The following TSPAN16 variants were observed in gnomAD, a reference collection of about 807,000 sequenced individuals.
TSPAN16 encodes the protein tetraspanin 16.
A neutral mutation model predicts 25.2 loss-of-function variants in TSPAN16; 23 were observed. The ratio of observed to expected loss-of-function variants is 0.91; its 90% confidence interval spans 0.66 to 1.29. TSPAN16 has a LOEUF of 1.29. Ranked by LOEUF, TSPAN16 falls within the 50% of genes most tolerant of loss-of-function variation. The pLI is 0.00. For synonymous variants in TSPAN16, 123 were observed against 124.4 expected, an observed-to-expected ratio of 0.99 and a Z score of 0.08; for missense variants, 272 against 299.9, an observed-to-expected ratio of 0.91 and a Z score of 0.69.
Position 11,306,879 on chromosome 19 carries a change from G to A in TSPAN16, c.603+123G>A, listed in dbSNP as rs913140709. ...CACCCAGGCTGGAGTGCAGTGGTGC[G>A]ATCTCGGCTCACTGCAACCTCCGCC... On this transcript the variant is annotated intron_variant, in intron 5 of 6. Transcript: ENST00000590327. 4.8e-5 allele frequency: 47 copies of A among 976,374 alleles called. No homozygotes were observed. The Admixed American group carries it at 5.0e-4, about 10-fold the overall frequency. The allele number at this position is 976,374 out of a possible 1,614,324, so 60.5% of individuals were successfully genotyped here. A position where few individuals can be genotyped will look rare whatever the true frequency, so the allele number is the denominator to read the frequency against.
chr19:11,312,694 TATCA>T (rs1440296009), intron 6 of TSPAN16, among the ~76,000 whole-genome samples: 3 of 152,020 alleles, frequency 2.0e-5, no homozygotes, highest in Non-Finnish European at 4.4e-5. Flanking sequence ...GAGCCTGGGA[TATCA>T]AGGCTAGTGA....
Position 11,298,950 on chromosome 19 carries a change from A to G in TSPAN16, c.342+4A>G. 6.2e-7 allele frequency: 1 copy of G among 1,613,524 alleles called. No individual in the cohort carries two copies. Among genetic ancestry groups the G allele is most frequent in the South Asian group, 1.1e-5 (1 of 91,060 alleles). ...GGTCCTTCTTTTCTTTCCAATTGTA[A>G]GTACAGCCCTGCTCCTCCCACATAG... On this transcript the variant is annotated splice_donor_region_variant and intron_variant, in intron 3 of 6. Transcript: ENST00000590327.
intron 4 of TSPAN16, among the ~76,000 whole-genome samples, chr19:11,302,753 C>G (rs1002578764): frequency 6.6e-6 from 1 of 150,480 alleles, no homozygotes; most frequent in African/African-American, 2.5e-5. Flanking sequence ...GGATCTCACT[C>G]TGTTGCCCAG....
At chr19:11,296,975 G>A (rs944379352) in intron 1 of TSPAN16, among the ~76,000 whole-genome samples, 4 of 152,306 alleles carry the variant, frequency 2.6e-5, no homozygotes, top group African/African-American at 9.6e-5. Flanking sequence ...GGGCGGCAGA[G>A]GTTGGCAGTG....
rs1157268585 is a variant in TSPAN16 at position 11,298,944 on chromosome 19, A to G, written c.340A>G (p.Ile114Val). 1.2e-6 allele frequency: 2 copies of G among 1,613,608 alleles called. No individual in the cohort carries two copies. Among genetic ancestry groups the G allele is most frequent in the East Asian group, 2.2e-5 (1 of 44,862 alleles). The change falls in exon 3 of 7, where the codon ATT (isoleucine) becomes GTT (valine). Residue 114 changes from isoleucine to valine, a missense_variant and splice_region_variant. Physicochemically the swap from Ile to Val is conservative, Grantham distance 29. Coordinates refer to ENST00000590327, the MANE Select transcript of TSPAN16 (RefSeq NM_001282509.2). ...CACAGTGGTCCTTCTTTTCTTTCCA[A>G]TTGTAAGTACAGCCCTGCTCCTCCC... ...AATVVLLFFP[I>V]VGDVALEHTF...
At chr19:11,319,441 T>C (rs1396488497), downstream of TSPAN16, among the ~76,000 whole-genome samples, 2 of 151,968 alleles carry the variant, frequency 1.3e-5, no homozygotes, top group African/African-American at 4.8e-5. Flanking sequence ...CTACTAAAAA[T>C]GCAAAAGTTA....
intron 4 of TSPAN16, among the ~76,000 whole-genome samples, chr19:11,305,405 C>T (rs2080614990): frequency 6.6e-6 from 1 of 151,876 alleles, no homozygotes; most frequent in South Asian, 2.1e-4. Flanking sequence ...TGGTGCATGC[C>T]TGTAATCCCA....
downstream of TSPAN16, among the ~76,000 whole-genome samples, chr19:11,319,600 A>G (rs947242722): frequency 6.6e-6 from 1 of 151,664 alleles, no homozygotes; most frequent in Non-Finnish European, 1.5e-5. Flanking sequence ...TCTGTCTCAA[A>G]ACAAACAAAA....
chr19:11,323,640 C>T (rs767048282), intron 6 of TSPAN16: 1 of 152,160 alleles, frequency 6.6e-6, no homozygotes, highest in Non-Finnish European at 1.5e-5. Context: ...CTAAGGGTAG[C>T]CTCTGGTATG....
intron 4 of TSPAN16, among the ~76,000 whole-genome samples, chr19:11,302,667 A>ATATATGTG (rs71164182): frequency 0.23 from 28,609 of 122,814 alleles, 2,970 homozygotes; most frequent in African/African-American, 0.29. Flanking sequence ...ATACATATAT[A>ATATATGTG]TATATATATA....
At chr19:11,303,012 A>T (rs1469282578) in intron 4 of TSPAN16, among the ~76,000 whole-genome samples, 1 of 150,256 alleles carries the variant, frequency 6.7e-6, no homozygotes, top group East Asian at 2.0e-4. Context: ...CCTACTGGGA[A>T]GTGAGGAGCC....
chr19:11,302,678 T>TATACAC (rs556398306), intron 4 of TSPAN16, among the ~76,000 whole-genome samples: 1 of 126,560 alleles, frequency 7.9e-6, no homozygotes, highest in African/African-American at 3.2e-5. Flanking sequence ...TATATATATA[T>TATACAC]ACACACACAC....
intron 3 of TSPAN16, among the ~76,000 whole-genome samples, chr19:11,299,437 A>G (rs1164942451): frequency 6.6e-6 from 1 of 152,182 alleles, no homozygotes; most frequent in Non-Finnish European, 1.5e-5. Context: ...AAGTCCTCAC[A>G]AAACCTGCTG....
At chr19:11,325,314 T>A (rs2080805274) in intron 6 of TSPAN16, 2 of 867,898 alleles carry the variant, frequency 2.3e-6, no homozygotes, top group Non-Finnish European at 3.5e-6. Flanking sequence ...TGCCCTGAGC[T>A]TGGAGATAAC....
Position 11,306,614 on chromosome 19 carries a change from G to A in TSPAN16, c.461G>A (p.Cys154Tyr). ...WNLVMEKLKC[C>Y]GVNNYTDFSG... is the part of the protein sequence containing the mutation. ...TTCTCCTCTCTATAGCTAAAGTGCT[G>A]TGGGGTGAATAACTACACAGATTTT... Residue 154 changes from cysteine to tyrosine, a missense_variant, in exon 5 of 7, where the codon TGT (cysteine) becomes TAT (tyrosine). Cys to Tyr is a radical substitution (Grantham distance 194). Coordinates refer to ENST00000590327, the MANE Select transcript of TSPAN16 (RefSeq NM_001282509.2). The A allele has an allele frequency of 1.2e-6, 2 of 1,613,582 alleles. No individual in the cohort carries two copies. The highest frequency in any genetic ancestry group is 1.7e-4 in the Middle Eastern group (1 of 5,742).
At chr19:11,304,378 CA>C (rs1568289427) in intron 4 of TSPAN16, among the ~76,000 whole-genome samples, 1 of 151,196 alleles carries the variant, frequency 6.6e-6, no homozygotes, top group Non-Finnish European at 1.5e-5. Flanking sequence ...GTCGTACTCC[CA>C]AAACTCAGGC....
chr19:11,321,306 G>T (rs921642764), intron 6 of TSPAN16: 1 of 152,190 alleles, frequency 6.6e-6, no homozygotes, highest in African/African-American at 2.4e-5. Context: ...TCTTCACAAG[G>T]TGGCAGGAAG....
chr19:11,313,542 A>T (rs1036563812), intron 6 of TSPAN16, among the ~76,000 whole-genome samples: 13 of 148,812 alleles, frequency 8.7e-5, no homozygotes, highest in Non-Finnish European at 1.3e-4. Flanking sequence ...AAAAAAAAAA[A>T]TTATATCTTA....
chr19:11,309,550 TTACTC>T (rs1417956553), intron 5 of TSPAN16, among the ~76,000 whole-genome samples: 1 of 152,214 alleles, frequency 6.6e-6, no homozygotes, highest in Non-Finnish European at 1.5e-5. Flanking sequence ...TCTCAAGTCT[TTACTC>T]AACTGGCACT....
Sources: allele counts gnomAD v4.1 joint callset (sites outside exome capture counted in the v4.1 genomes callset), GRCh38; gene constraint gnomAD v4.1.1; transcripts MANE v1.5; gene names NCBI Gene and HGNC (gene_info 2026-07-23, HGNC 2026-07-21).